The following HUNK variants were observed in gnomAD, a reference collection of about 807,000 sequenced individuals.
The protein encoded by HUNK is hormonally up-regulated Neu-associated kinase.
HUNK carries 21 observed loss-of-function variants against 61.0 expected under a neutral mutation model. The observed-to-expected ratio is 0.34, with a 90% confidence interval of 0.24 to 0.50. The LOEUF (loss-of-function observed/expected upper bound fraction) is 0.50. Among genes scored for constraint, HUNK ranks in the 20% least tolerant of loss-of-function variants. The probability of loss-of-function intolerance (pLI) is 0.98; values close to 1 mark genes in which losing one functional copy is unlikely to be tolerated. For synonymous variants in HUNK, 371 were observed against 386.1 expected (o/e 0.96, Z 0.46); for missense variants, 772 against 945.7 (o/e 0.82, Z 2.41).
chr21:31,985,229 G>C (rs1038694040), intron 8 of HUNK, among the ~76,000 whole-genome samples: 6 of 152,180 alleles, frequency 3.9e-5, no homozygotes, highest in African/African-American at 1.4e-4. Context: ...GGGACCCTTT[G>C]TCTATGCCCC....
intron 1 of HUNK, among the ~76,000 whole-genome samples, chr21:31,883,441 T>C (rs757520128): frequency 8.5e-5 from 13 of 152,248 alleles, no homozygotes; most frequent in Non-Finnish European, 1.8e-4. Flanking sequence ...TCATTGTTCA[T>C]GTCCATTCGC....
chr21:31,901,989 C>T (rs1490433578), intron 1 of HUNK, among the ~76,000 whole-genome samples: 1 of 152,092 alleles, frequency 6.6e-6, no homozygotes, highest in Admixed American at 6.5e-5. Context: ...CCCAGCTGGA[C>T]AGACTGTGGG....
intron 7 of HUNK, among the ~76,000 whole-genome samples, chr21:31,981,947 A>C (rs2053100332): frequency 6.6e-6 from 1 of 151,646 alleles, no homozygotes; most frequent in African/African-American, 2.4e-5. Context: ...CATGTTTAGG[A>C]TGTGCAGGTT....
chr21:31,950,014 C>T (rs1179575601), intron 4 of HUNK, among the ~76,000 whole-genome samples: 1 of 152,188 alleles, frequency 6.6e-6, no homozygotes, highest in Non-Finnish European at 1.5e-5. Flanking sequence ...ATGACACAGC[C>T]AGCGTGTGAC....
Position 31,999,422 on chromosome 21 carries a change from T to G in HUNK, c.*238T>G. Reference sequence around the variant, plus strand: ...CCAATTCCTATCATTCAGATCTTCCTTCCTCCCAAGTACTCACCAACCCCT... The same window carrying G: ...CCAATTCCTATCATTCAGATCTTCCGTCCTCCCAAGTACTCACCAACCCCT... On this transcript the variant is annotated 3_prime_UTR_variant, in exon 11 of 11. Transcript: ENST00000270112. 1 of 491,890 alleles carries G rather than the reference T, an allele frequency of 2.0e-6. No individual in the cohort carries two copies. The highest frequency in any genetic ancestry group is 3.6e-6 in the Non-Finnish European group (1 of 279,940). 30.5% of individuals were successfully genotyped at this position (491,890 alleles called of 1,614,324 possible).
intron 5 of HUNK, among the ~76,000 whole-genome samples, chr21:31,963,759 G>A (rs770398878): frequency 2.6e-5 from 4 of 152,050 alleles, no homozygotes; most frequent in African/African-American, 4.8e-5. Context: ...ATCCTCCTGC[G>A]TCGGACTCTC....
At chr21:31,979,067 C>G (rs1387882741) in intron 7 of HUNK, among the ~76,000 whole-genome samples, 1 of 151,096 alleles carries the variant, frequency 6.6e-6, no homozygotes, top group African/African-American at 2.4e-5. Context: ...ATTTGCATTT[C>G]CCTTATGATT....
At position 32,000,909 on chromosome 21, in the gene HUNK, C is replaced by T; in HGVS notation, c.*1725C>T. On this transcript the variant is annotated 3_prime_UTR_variant, in exon 11 of 11. Transcript: ENST00000270112. ...GCTCTAGGGCATTCTAGGATGAGGT[C>T]AGACCCCTTGGCCATTGGTGTTATT... 1 of 397,084 alleles carries T rather than the reference C, an allele frequency of 2.5e-6. No individual in the cohort carries two copies. The highest frequency in any genetic ancestry group is 4.4e-6 in the Non-Finnish European group (1 of 225,738). 24.6% of individuals were successfully genotyped at this position (397,084 alleles called of 1,614,324 possible).
chr21:31,877,600 C>T (rs1423549692), intron 1 of HUNK, among the ~76,000 whole-genome samples: 1 of 152,170 alleles, frequency 6.6e-6, no homozygotes, highest in Non-Finnish European at 1.5e-5. Flanking sequence ...TTCACTTGGC[C>T]ATGTGAAACT....
chr21:31,931,595 C>T (rs181610754), intron 2 of HUNK, among the ~76,000 whole-genome samples: 233 of 152,188 alleles, frequency 1.5e-3, no homozygotes, highest in African/African-American at 4.7e-3. Context: ...GAGAGCCAGA[C>T]CCCAGCACCT....
At chr21:31,982,316 CTGTTTTTAACTGGAG>C (rs987727484) in intron 7 of HUNK, among the ~76,000 whole-genome samples, 4 of 152,178 alleles carry the variant, frequency 2.6e-5, no homozygotes, top group Admixed American at 2.6e-4. Flanking sequence ...AGGCGAGTGG[CTGTTTTTAACTGGAG>C]TGAATTAATC....
chr21:31,901,274 G>A (rs1386710686), intron 1 of HUNK, among the ~76,000 whole-genome samples: 1 of 152,178 alleles, frequency 6.6e-6, no homozygotes, highest in Non-Finnish European at 1.5e-5. Context: ...TCTGGGGTGT[G>A]TCTGCTGGGT....
At chr21:31,891,594 G>A (rs1332578468) in intron 1 of HUNK, among the ~76,000 whole-genome samples, 1 of 152,190 alleles carries the variant, frequency 6.6e-6, no homozygotes, top group Non-Finnish European at 1.5e-5. Flanking sequence ...TTCACTATGT[G>A]CAGAGAAACC....
At chr21:31,941,190 T>C (rs2052766173) in intron 3 of HUNK, among the ~76,000 whole-genome samples, 1 of 152,220 alleles carries the variant, frequency 6.6e-6, no homozygotes, top group Non-Finnish European at 1.5e-5. Context: ...ATGGATACAC[T>C]TATTACTAGA....
At chr21:31,971,081 A>ATTTATTTATTTAT (rs11423136) in intron 6 of HUNK, among the ~76,000 whole-genome samples, 1 of 151,772 alleles carries the variant, frequency 6.6e-6, no homozygotes, top group Admixed American at 6.6e-5. Context: ...TTATTTATTT[A>ATTTATTTATTTAT]TTATTTATTT....
At chr21:31,950,996 C>G (rs1038879188) in intron 4 of HUNK, among the ~76,000 whole-genome samples, 13 of 151,986 alleles carry the variant, frequency 8.6e-5, no homozygotes, top group Non-Finnish European at 1.6e-4. Context: ...GAAAGCTCTT[C>G]CCTACAAATA....
At chr21:31,979,817 A>G (rs982956479) in intron 7 of HUNK, among the ~76,000 whole-genome samples, 2 of 152,022 alleles carry the variant, frequency 1.3e-5, no homozygotes, top group African/African-American at 4.8e-5. Flanking sequence ...GCCCAGCTGC[A>G]TTCTTTATAT....
chr21:31,928,094 G>T (rs1159366350), intron 2 of HUNK, among the ~76,000 whole-genome samples: 1 of 152,182 alleles, frequency 6.6e-6, no homozygotes, highest in African/African-American at 2.4e-5. Context: ...AAGTGTGCCT[G>T]GCTCTGTCTT....
intron 6 of HUNK, among the ~76,000 whole-genome samples, chr21:31,969,486 A>G (rs1361278481): frequency 1.3e-5 from 2 of 152,192 alleles, no homozygotes; most frequent in Non-Finnish European, 2.9e-5. Context: ...CCCACAGCAT[A>G]GGAGCACTGA....
Sources: allele counts gnomAD v4.1 joint callset (sites outside exome capture counted in the v4.1 genomes callset), GRCh38; gene constraint gnomAD v4.1.1; transcripts MANE v1.5; gene names NCBI Gene and HGNC (gene_info 2026-07-23, HGNC 2026-07-21).